Variants in PPFIA2 observed in about 807,000 individuals in gnomAD.
The protein encoded by PPFIA2 is PPFI scaffold protein A2.
PPFIA2 carries 46 observed loss-of-function variants against 175.5 expected under a neutral mutation model. The observed-to-expected ratio is 0.26, with a 90% CI of 0.21 to 0.34. The LOEUF is 0.34. Ranked by LOEUF, PPFIA2 falls within the 10% of genes least tolerant of loss-of-function variation. The probability of loss-of-function intolerance (pLI) is 1.00; values close to 1 mark genes in which losing one functional copy is unlikely to be tolerated. For synonymous variants in PPFIA2, 568 were observed against 511.4 expected (o/e 1.11, Z -1.49); for missense variants, 1,179 against 1,506.1 (o/e 0.78, Z 3.60).
chr12:81,563,749 G>A (rs936152153), intron 4 of PPFIA2, among the ~76,000 whole-genome samples: 4 of 152,052 alleles, frequency 2.6e-5, no homozygotes, highest in African/African-American at 4.8e-5. Flanking sequence ...CTAGTCAGTC[G>A]TTATTCATTA....
intron 4 of PPFIA2, among the ~76,000 whole-genome samples, chr12:81,636,634 T>G (rs927902910): frequency 1.3e-5 from 2 of 151,756 alleles, no homozygotes; most frequent in Non-Finnish European, 2.9e-5. Flanking sequence ...TTCCAAATCC[T>G]TAGAATGAAA....
At chr12:81,407,461 C>T (rs182995448) in intron 7 of PPFIA2, among the ~76,000 whole-genome samples, 40 of 146,028 alleles carry the variant, frequency 2.7e-4, no homozygotes, top group African/African-American at 1.0e-3. Flanking sequence ...CCAGCCTGGG[C>T]GACAGAGGGA....
intron 4 of PPFIA2, among the ~76,000 whole-genome samples, chr12:81,635,133 A>G (rs564382745): frequency 6.6e-6 from 1 of 152,324 alleles, no homozygotes; most frequent in South Asian, 2.1e-4. Context: ...ATCTATTGAA[A>G]TGTCCCCTTT....
At chr12:81,694,965 T>C (rs1838961895) in intron 3 of PPFIA2, among the ~76,000 whole-genome samples, 1 of 152,192 alleles carries the variant, frequency 6.6e-6, no homozygotes, top group Non-Finnish European at 1.5e-5. Flanking sequence ...CATAATTGCA[T>C]GAGGTCTACA....
At chr12:81,745,391 T>G (rs1414225890) in intron 3 of PPFIA2, among the ~76,000 whole-genome samples, 1 of 152,146 alleles carries the variant, frequency 6.6e-6, no homozygotes, top group Non-Finnish European at 1.5e-5. Flanking sequence ...TCAGGGCCTG[T>G]GAAAAGAAAC....
intron 7 of PPFIA2, among the ~76,000 whole-genome samples, chr12:81,434,683 A>G (rs1315053098): frequency 6.6e-6 from 1 of 152,148 alleles, no homozygotes; most frequent in East Asian, 1.9e-4. Context: ...TGTACCTTCC[A>G]GCATTAGTGT....
intron 4 of PPFIA2, among the ~76,000 whole-genome samples, chr12:81,570,924 T>C (rs1278290968): frequency 1.3e-5 from 2 of 151,946 alleles, no homozygotes; most frequent in East Asian, 1.9e-4. Context: ...ACTGGCTAGA[T>C]TCATTGAAAT....
intron 29 of PPFIA2, chr12:81,267,349 A>G (rs894538501): frequency 2.5e-6 from 1 of 392,344 alleles, no homozygotes; most frequent in Non-Finnish European, 4.9e-6. Context: ...GTGAAACGAG[A>G]CTGCCAAATT....
intron 4 of PPFIA2, among the ~76,000 whole-genome samples, chr12:81,524,056 C>T (rs916759518): frequency 1.3e-5 from 2 of 152,162 alleles, no homozygotes; most frequent in African/African-American, 4.8e-5. Flanking sequence ...TCTGCTGCCC[C>T]CAGCAAAGCT....
intron 4 of PPFIA2, among the ~76,000 whole-genome samples, chr12:81,614,861 A>G (rs1479081791): frequency 6.6e-6 from 1 of 152,140 alleles, no homozygotes; most frequent in African/African-American, 2.4e-5. Context: ...TTTATTCCTC[A>G]ATTATGCATA....
chr12:81,500,544 G>T (rs1266902637), intron 4 of PPFIA2, among the ~76,000 whole-genome samples: 1 of 152,152 alleles, frequency 6.6e-6, no homozygotes, highest in Non-Finnish European at 1.5e-5. Flanking sequence ...CCAATATCTT[G>T]TCAACCCAAG....
At chr12:81,479,488 G>T (rs896052701) in intron 4 of PPFIA2, among the ~76,000 whole-genome samples, 3 of 152,064 alleles carry the variant, frequency 2.0e-5, no homozygotes, top group Non-Finnish European at 1.5e-5. Context: ...TGGTTATTTT[G>T]CCCATTAGTT....
At chr12:81,652,348 C>T (rs1307209677) in intron 4 of PPFIA2, among the ~76,000 whole-genome samples, 3 of 151,050 alleles carry the variant, frequency 2.0e-5, no homozygotes, top group Admixed American at 6.6e-5. Context: ...TTATCATTGG[C>T]GATTTGCTTC....
At chr12:81,489,515 G>T (rs2059201131) in intron 4 of PPFIA2, among the ~76,000 whole-genome samples, 1 of 151,786 alleles carries the variant, frequency 6.6e-6, no homozygotes. Context: ...GGGAGAAAAA[G>T]AATGTAGTTT....
intron 4 of PPFIA2, among the ~76,000 whole-genome samples, chr12:81,490,427 C>G (rs2059303824): frequency 1.3e-5 from 2 of 151,888 alleles, no homozygotes; most frequent in African/African-American, 4.8e-5. Context: ...GTGTCTCTCA[C>G]CATTTTGCCA....
At chr12:81,283,064 A>G (rs758844248) in intron 25 of PPFIA2, 25 bp from the exon 26 acceptor site, 13 of 1,609,720 alleles carry the variant, frequency 8.1e-6, no homozygotes, top group Non-Finnish European at 9.3e-6. Context: ...GGAAATGATT[A>G]ATAAAGCAGG....
At chr12:81,661,342 G>T (rs2068829230) in intron 4 of PPFIA2, among the ~76,000 whole-genome samples, 1 of 152,132 alleles carries the variant, frequency 6.6e-6, no homozygotes, top group Admixed American at 6.6e-5. Flanking sequence ...CAAAATAAAG[G>T]GATGGAGGAA....
At chr12:81,538,656 T>C (rs980994408) in intron 4 of PPFIA2, among the ~76,000 whole-genome samples, 3 of 151,930 alleles carry the variant, frequency 2.0e-5, no homozygotes, top group Admixed American at 2.0e-4. Context: ...TATTTTATTA[T>C]AGAAAACAGC....
intron 4 of PPFIA2, among the ~76,000 whole-genome samples, chr12:81,564,905 C>T (rs2070959597): frequency 6.6e-6 from 1 of 152,112 alleles, no homozygotes; most frequent in African/African-American, 2.4e-5. Context: ...GAAAAACAGA[C>T]ACAAGCTCTT....
Sources: allele counts gnomAD v4.1 joint callset (sites outside exome capture counted in the v4.1 genomes callset), GRCh38; gene constraint gnomAD v4.1.1; transcripts MANE v1.5; gene names NCBI Gene and HGNC (gene_info 2026-07-23, HGNC 2026-07-21).